Variants in HDAC9 observed in about 807,000 individuals in gnomAD.
HDAC9 encodes the protein MEF-2 interacting transcription repressor (MITR) protein.
A neutral mutation model predicts 139.4 loss-of-function variants in HDAC9; 41 were observed. The ratio of observed to expected loss-of-function variants is 0.29; its 90% CI spans 0.23 to 0.38. The LOEUF (loss-of-function observed/expected upper bound fraction) is 0.38, where lower values mean the gene tolerates loss of function less well. HDAC9 is among the 10% of genes least tolerant of loss of function. HDAC9 has a pLI of 1.00. For missense variants in HDAC9, 1,147 were observed against 1,297.0 expected (o/e 0.88, Z 1.78); for synonymous variants, 517 against 476.2 (o/e 1.09, Z -1.12).
chr7:18,295,044 T>C (rs1436481823), intron 1 of HDAC9, among the ~76,000 whole-genome samples: 1 of 152,088 alleles, frequency 6.6e-6, no homozygotes, highest in Non-Finnish European at 1.5e-5. Context: ...TTACATGCTT[T>C]TGAAACATTC....
chr7:18,680,555 A>C (rs979736099), intron 12 of HDAC9, among the ~76,000 whole-genome samples: 1 of 151,968 alleles, frequency 6.6e-6, no homozygotes, highest in Middle Eastern at 3.2e-3. Flanking sequence ...TTTGGCATTC[A>C]AGTTCAGGCC....
intron 13 of HDAC9, among the ~76,000 whole-genome samples, chr7:18,745,684 C>T (rs1787888970): frequency 1.3e-5 from 2 of 150,736 alleles, no homozygotes; most frequent in Non-Finnish European, 3.0e-5. Context: ...GTAGCTGGGA[C>T]TACAGGCGCC....
intron 1 of HDAC9, among the ~76,000 whole-genome samples, chr7:18,336,799 G>A (rs971705179): frequency 1.3e-5 from 2 of 151,496 alleles, no homozygotes; most frequent in Non-Finnish European, 3.0e-5. Context: ...TTAAAAAGTG[G>A]TAGTGTCATA....
intron 13 of HDAC9, among the ~76,000 whole-genome samples, chr7:18,731,824 C>G (rs749608409): frequency 6.6e-6 from 1 of 152,068 alleles, no homozygotes; most frequent in Non-Finnish European, 1.5e-5. Flanking sequence ...CGGGGTTTCT[C>G]CATGTTGGTC....
chr7:18,535,190 T>A (rs1179482460), intron 2 of HDAC9, among the ~76,000 whole-genome samples: 2 of 152,202 alleles, frequency 1.3e-5, no homozygotes, highest in African/African-American at 2.4e-5. Context: ...TTTTTTGCTG[T>A]AGGTTTATAG....
chr7:18,207,030 G>A (rs1049625775), intron 2 of HDAC9, among the ~76,000 whole-genome samples: 1 of 151,384 alleles, frequency 6.6e-6, no homozygotes, highest in African/African-American at 2.4e-5. Context: ...CTGCCTCCTA[G>A]GTTCAAGTGA....
intron 1 of HDAC9, among the ~76,000 whole-genome samples, chr7:18,452,415 G>A (rs2128103652): frequency 6.6e-6 from 1 of 152,254 alleles, no homozygotes; most frequent in African/African-American, 2.4e-5. Flanking sequence ...TCCAATTGAG[G>A]GTCACAACCT....
chr7:18,807,544 CT>C (rs1167158861), intron 17 of HDAC9, among the ~76,000 whole-genome samples: 1 of 151,766 alleles, frequency 6.6e-6, no homozygotes, highest in Non-Finnish European at 1.5e-5. Flanking sequence ...TGAGATCTTT[CT>C]TTTTTGGTAC....
At chr7:18,798,205 T>C (rs1792974992) in intron 17 of HDAC9, among the ~76,000 whole-genome samples, 1 of 152,122 alleles carries the variant, frequency 6.6e-6, no homozygotes, top group African/African-American at 2.4e-5. Context: ...CAGGAGGTAA[T>C]GCCAAGTGGA....
At chr7:18,759,886 G>T (rs1186635195) in intron 14 of HDAC9, among the ~76,000 whole-genome samples, 1 of 152,132 alleles carries the variant, frequency 6.6e-6, no homozygotes, top group Non-Finnish European at 1.5e-5. Context: ...CATGACTAGT[G>T]TATGAACACA....
At chr7:18,473,585 A>G (rs1189638467) in intron 1 of HDAC9, among the ~76,000 whole-genome samples, 2 of 152,284 alleles carry the variant, frequency 1.3e-5, no homozygotes, top group Admixed American at 6.5e-5. Flanking sequence ...CTATGACAAT[A>G]TAAGAAGAGA....
intron 13 of HDAC9, among the ~76,000 whole-genome samples, chr7:18,743,346 T>A (rs1178155): frequency 0.18 from 27,523 of 152,054 alleles, 3,133 homozygotes; most frequent in East Asian, 0.55. Context: ...ATGACTTACA[T>A]GAAAAAAAGA....
intron 14 of HDAC9, among the ~76,000 whole-genome samples, chr7:18,760,451 A>G (rs568267631): frequency 7.9e-5 from 12 of 152,290 alleles, no homozygotes; most frequent in African/African-American, 2.4e-4. Flanking sequence ...TTTCTAATCA[A>G]TCAGAAAGAT....
chr7:18,812,237 T>A (rs562875275), intron 17 of HDAC9, among the ~76,000 whole-genome samples: 1 of 152,020 alleles, frequency 6.6e-6, no homozygotes, highest in East Asian at 1.9e-4. Flanking sequence ...TTATGGAATG[T>A]CTTTTATATT....
intron 2 of HDAC9, among the ~76,000 whole-genome samples, chr7:18,208,105 A>G (rs1791669266): frequency 6.6e-6 from 1 of 152,178 alleles, no homozygotes; most frequent in African/African-American, 2.4e-5. Flanking sequence ...TAAATTTCTC[A>G]TACGTATGCT....
intron 1 of HDAC9, among the ~76,000 whole-genome samples, chr7:18,144,074 C>T (rs566576165): frequency 1.8e-4 from 27 of 152,168 alleles, no homozygotes; most frequent in African/African-American, 6.5e-4. Flanking sequence ...GACTTTCAGA[C>T]TCTTCAGTGG....
chr7:18,797,044 G>A (rs12540872), intron 17 of HDAC9, among the ~76,000 whole-genome samples: 62,800 of 152,084 alleles, frequency 0.41, 14,296 homozygotes, highest in Non-Finnish European at 0.52. Context: ...ATGTCATGTT[G>A]CTAATAATAA....
intron 2 of HDAC9, among the ~76,000 whole-genome samples, chr7:18,263,701 C>CA (rs1293187803): frequency 6.6e-6 from 1 of 151,972 alleles, no homozygotes; most frequent in African/African-American, 2.4e-5. Context: ...CTCCACCTCC[C>CA]AAGCCCCAGC....
At chr7:18,926,622 A>T (rs959337706) in intron 22 of HDAC9, among the ~76,000 whole-genome samples, 1 of 152,058 alleles carries the variant, frequency 6.6e-6, no homozygotes, top group Admixed American at 6.6e-5. Flanking sequence ...TGGATCGTAG[A>T]TGGATGGAGG....
Sources: allele counts gnomAD v4.1 joint callset (sites outside exome capture counted in the v4.1 genomes callset), GRCh38; gene constraint gnomAD v4.1.1; transcripts MANE v1.5; gene names NCBI Gene and HGNC (gene_info 2026-07-23, HGNC 2026-07-21).